THSD7A: variants seen among roughly 807,000 people sequenced by gnomAD.
THSD7A encodes the protein thrombospondin type 1 domain containing 7A.
THSD7A carries 96 observed loss-of-function variants against 231.3 expected under a neutral mutation model. That is an observed-to-expected ratio of 0.41 (90% confidence interval 0.35 to 0.49). The LOEUF (loss-of-function observed/expected upper bound fraction) is 0.49. Ranked by LOEUF, THSD7A falls within the 20% of genes least tolerant of loss-of-function variation. The pLI, the probability that THSD7A is intolerant of heterozygous loss-of-function variation, is 0.05. For synonymous variants in THSD7A, 940 were observed against 743.3 expected, an observed-to-expected ratio of 1.26 and a Z score of -4.30; for missense variants, 2,290 against 2,070.2, an observed-to-expected ratio of 1.11 and a Z score of -2.06.
At chr7:11,469,581 G>A (rs1191782068) in intron 9 of THSD7A, among the ~76,000 whole-genome samples, 3 of 152,012 alleles carry the variant, frequency 2.0e-5, no homozygotes, top group Admixed American at 6.6e-5. Flanking sequence ...CATATACCAC[G>A]ATATATTCCT....
At chr7:11,467,831 T>G (rs1346842787) in intron 9 of THSD7A, among the ~76,000 whole-genome samples, 2 of 151,964 alleles carry the variant, frequency 1.3e-5, no homozygotes, top group Non-Finnish European at 2.9e-5. Context: ...AAGAAAAAAT[T>G]TATAGGCTAT....
intron 2 of THSD7A, among the ~76,000 whole-genome samples, chr7:11,626,621 C>CA (rs902896239): frequency 1.3e-5 from 2 of 151,950 alleles, no homozygotes; most frequent in African/African-American, 4.8e-5. Context: ...TCACTGACAC[C>CA]AACTAATTGA....
At chr7:11,820,207 TG>T (rs1562578175) in intron 1 of THSD7A, 1 of 342,616 alleles carries the variant, frequency 2.9e-6, no homozygotes. Flanking sequence ...TGGTGAGGGG[TG>T]GGGGTAGGAT....
At chr7:11,613,731 T>A (rs1781012484) in intron 2 of THSD7A, among the ~76,000 whole-genome samples, 1 of 152,174 alleles carries the variant, frequency 6.6e-6, no homozygotes, top group Non-Finnish European at 1.5e-5. Context: ...AGCGCCACAC[T>A]CTGGGTGAAC....
chr7:11,515,713 T>C (rs1307256215), intron 6 of THSD7A, among the ~76,000 whole-genome samples: 1 of 152,132 alleles, frequency 6.6e-6, no homozygotes, highest in Non-Finnish European at 1.5e-5. Flanking sequence ...TGTTTTATAG[T>C]AAGTGGCAGA....
chr7:11,594,532 T>TA (rs1562754729), intron 2 of THSD7A, among the ~76,000 whole-genome samples: 6 of 152,246 alleles, frequency 3.9e-5, no homozygotes, highest in African/African-American at 1.4e-4. Context: ...AATAAATGCA[T>TA]TTGACGCTCC....
At chr7:11,645,800 A>C (rs1013189363) in intron 1 of THSD7A, among the ~76,000 whole-genome samples, 1 of 151,884 alleles carries the variant, frequency 6.6e-6, no homozygotes, top group African/African-American at 2.4e-5. Context: ...ATAAAAAATA[A>C]ACAAGATTAA....
rs10245325 is a variant in THSD7A at position 11,523,247 on chromosome 7, A to C, written c.1822+18172T>G. Among the ~76,000 whole-genome samples the C allele has an allele frequency of 5.6e-3, 850 of 152,196 alleles. 8 individuals carry two copies. The highest frequency in any genetic ancestry group is 0.02 in the African/African-American group (817 of 41,552). ...TGGCTTCCTGATTCTTGATCTCTAA[A>C]AATAAAAAGTCTTTATAGTAATATG... On this transcript the variant is annotated intron_variant, in intron 6 of 27. Transcript: ENST00000423059.
At chr7:11,449,918 T>C (rs1388477557) in intron 11 of THSD7A, among the ~76,000 whole-genome samples, 1 of 152,068 alleles carries the variant, frequency 6.6e-6, no homozygotes, top group Admixed American at 6.6e-5. Flanking sequence ...AGACATCTGA[T>C]CATATGAGAA....
chr7:11,659,046 C>A (rs183592933), intron 1 of THSD7A, among the ~76,000 whole-genome samples: 3 of 151,780 alleles, frequency 2.0e-5, no homozygotes, highest in Admixed American at 2.0e-4. Context: ...GTTTTGAACT[C>A]ACTTAAACAC....
chr7:11,375,823 A>C lies in THSD7A; in HGVS notation c.4945T>G (p.Leu1649Val), dbSNP rs1204686496. ...ATGTCGGCATCTCCATCATAGGCTA[A>C]GGTTAAAGGTTTCAGTCGGTTGTTT... ...RQNNRLKPLTLAYDGDADM is the reference protein window; with the variant it reads ...RQNNRLKPLTVAYDGDADM Residue 1649 changes from leucine to valine, a missense_variant, in exon 28 of 28, where the codon TTA (leucine) becomes GTA (valine). Transcript: ENST00000423059. The C allele has an allele frequency of 2.7e-5, 44 of 1,612,670 alleles. No individual in the cohort carries two copies. The highest frequency in any genetic ancestry group is 3.6e-5 in the Non-Finnish European group (43 of 1,179,054).
chr7:11,786,761 A>AT (rs1783806239), intron 1 of THSD7A, among the ~76,000 whole-genome samples: 1 of 49,500 alleles, frequency 2.0e-5, no homozygotes, highest in Non-Finnish European at 3.6e-5. Context: ...TATAATAATA[A>AT]AAAAAAAAAA....
At chr7:11,578,707 T>C (rs766946592) in intron 4 of THSD7A, among the ~76,000 whole-genome samples, 4 of 152,164 alleles carry the variant, frequency 2.6e-5, no homozygotes, top group Non-Finnish European at 5.9e-5. Context: ...AAATATTCTT[T>C]AAAAGAGGAG....
intron 1 of THSD7A, among the ~76,000 whole-genome samples, chr7:11,727,252 A>G (rs9691790): frequency 0.83 from 126,535 of 151,798 alleles, 53,319 homozygotes; most frequent in African/African-American, 0.95. Flanking sequence ...TGACTCTCTT[A>G]AACCTCTCAT....
chr7:11,499,007 A>G (rs1303811902), intron 6 of THSD7A, among the ~76,000 whole-genome samples: 1 of 152,166 alleles, frequency 6.6e-6, no homozygotes, highest in Non-Finnish European at 1.5e-5. Flanking sequence ...GTACCAACTC[A>G]GCAACTCCTT....
chr7:11,718,299 T>G (rs532881673), intron 1 of THSD7A, among the ~76,000 whole-genome samples: 9 of 151,752 alleles, frequency 5.9e-5, no homozygotes, highest in Non-Finnish European at 1.3e-4. Flanking sequence ...TTAAATTTTG[T>G]TCCCCCACCC....
At chr7:11,565,354 ATAAT>A (rs1342571555) in intron 4 of THSD7A, among the ~76,000 whole-genome samples, 2 of 152,228 alleles carry the variant, frequency 1.3e-5, no homozygotes, top group Non-Finnish European at 2.9e-5. Context: ...AACTCCAAAT[ATAAT>A]TATTTATCAC....
intron 2 of THSD7A, among the ~76,000 whole-genome samples, chr7:11,603,096 C>G (rs941919580): frequency 1.4e-4 from 21 of 150,734 alleles, no homozygotes; most frequent in Non-Finnish European, 2.5e-4. Flanking sequence ...AGGCAACCTA[C>G]AAAATGGGAG....
intron 1 of THSD7A, among the ~76,000 whole-genome samples, chr7:11,678,572 T>C (rs1783736099): frequency 6.6e-6 from 1 of 152,170 alleles, no homozygotes; most frequent in Non-Finnish European, 1.5e-5. Context: ...TTAACACCTC[T>C]ATGCAAATGA....
Sources: gnomAD v4.1 joint callset for allele counts (sites outside exome capture counted in the v4.1 genomes callset) on GRCh38, gnomAD v4.1.1 for gene constraint, MANE v1.5 for transcripts, NCBI Gene and HGNC (gene_info 2026-07-23, HGNC 2026-07-21) for gene names.